The following LPP variants were observed in gnomAD, a reference collection of about 807,000 sequenced individuals.
LPP encodes the protein lipoma-preferred partner.
In LPP, 38 loss-of-function variants were observed where a neutral mutation model predicts 60.4. The ratio of observed to expected loss-of-function variants is 0.63; its 90% confidence interval spans 0.49 to 0.83. The LOEUF (loss-of-function observed/expected upper bound fraction) is 0.83. Among genes scored for constraint, LPP ranks in the 40% least tolerant of loss-of-function variants. LPP has a pLI of 0.00. For synonymous variants in LPP, 328 were observed against 290.8 expected (o/e 1.13, Z -1.30); for missense variants, 902 against 783.6 (o/e 1.15, Z -1.80).
chr3:188,796,285 G>A (rs1298913914), intron 9 of LPP, among the ~76,000 whole-genome samples: 1 of 152,178 alleles, frequency 6.6e-6, no homozygotes, highest in Non-Finnish European at 1.5e-5. Context: ...ACTGAAAGAA[G>A]GCCAGTGTGG....
chr3:188,301,281 A>G (rs994392361), intron 2 of LPP, among the ~76,000 whole-genome samples: 6 of 152,234 alleles, frequency 3.9e-5, no homozygotes, highest in African/African-American at 1.4e-4. Context: ...ATGAAAACTT[A>G]TGAATTTCTT....
At chr3:188,573,356 G>C (rs556301218) in intron 6 of LPP, among the ~76,000 whole-genome samples, 6 of 152,110 alleles carry the variant, frequency 3.9e-5, no homozygotes, top group African/African-American at 1.4e-4. Flanking sequence ...TGAAAAATAA[G>C]AGATGAGGTT....
At chr3:188,274,500 G>A (rs1026651816) in intron 2 of LPP, among the ~76,000 whole-genome samples, 5 of 152,136 alleles carry the variant, frequency 3.3e-5, no homozygotes, top group Non-Finnish European at 5.9e-5. Flanking sequence ...TGGATTTCTC[G>A]TTCTGACCAC....
At chr3:188,460,926 A>G (rs1178754513) in intron 4 of LPP, among the ~76,000 whole-genome samples, 1 of 152,184 alleles carries the variant, frequency 6.6e-6, no homozygotes, top group Non-Finnish European at 1.5e-5. Flanking sequence ...TCTCATCTGG[A>G]GAAGACCAGC....
chr3:188,168,867 A>C (rs2148781093), intron 1 of LPP, among the ~76,000 whole-genome samples: 1 of 152,374 alleles, frequency 6.6e-6, no homozygotes, highest in East Asian at 1.9e-4. Flanking sequence ...AGTTGGTAAC[A>C]ACCACTGAGT....
chr3:188,359,656 CCT>C (rs1768689068), intron 3 of LPP, among the ~76,000 whole-genome samples: 1 of 152,136 alleles, frequency 6.6e-6, no homozygotes, highest in African/African-American at 2.4e-5. Context: ...TTAATCTCTT[CCT>C]CTATACGTGA....
intron 7 of LPP, among the ~76,000 whole-genome samples, chr3:188,682,206 T>C (rs1389306252): frequency 1.3e-5 from 2 of 152,228 alleles, no homozygotes; most frequent in Non-Finnish European, 2.9e-5. Flanking sequence ...CTTTTTGTCT[T>C]CTGGGAATTT....
At chr3:188,373,979 A>T (rs1373143986) in intron 3 of LPP, among the ~76,000 whole-genome samples, 1 of 151,998 alleles carries the variant, frequency 6.6e-6, no homozygotes, top group Non-Finnish European at 1.5e-5. Context: ...TTTCCCCATT[A>T]TTTGTTTTTG....
At chr3:188,400,215 G>A (rs1187056829) in intron 3 of LPP, among the ~76,000 whole-genome samples, 1 of 152,192 alleles carries the variant, frequency 6.6e-6, no homozygotes, top group Non-Finnish European at 1.5e-5. Flanking sequence ...GTTAAGTGCT[G>A]ATTTCCTTTG....
In LPP at chr3:188,881,551, A is replaced by T; in HGVS notation, c.*7072A>T. 4.6e-6 allele frequency: 1 copy of T among 216,702 alleles called. No homozygotes were observed. Among genetic ancestry groups the T allele is most frequent in the Non-Finnish European group, 9.3e-6 (1 of 107,550 alleles). The allele number at this position is 216,702 out of a possible 1,614,324, so 13.4% of individuals were successfully genotyped here. A position where few individuals can be genotyped will look rare whatever the true frequency, so the allele number is the denominator to read the frequency against. On this transcript the variant is annotated 3_prime_UTR_variant, in exon 12 of 12. Coordinates refer to ENST00000617246, the MANE Select transcript of LPP (RefSeq NM_001375462.1). Reference sequence around the variant, plus strand: ...TCACCCAAAGAGAATTTCCCCAAAAAACCTCAGACCCAGAAGTGTAAAAGC... The same window carrying T: ...TCACCCAAAGAGAATTTCCCCAAAATACCTCAGACCCAGAAGTGTAAAAGC...
chr3:188,734,175 A>G (rs972430979), intron 8 of LPP, among the ~76,000 whole-genome samples: 1 of 152,172 alleles, frequency 6.6e-6, no homozygotes, highest in Non-Finnish European at 1.5e-5. Context: ...AATTGATGAA[A>G]TGCCTCTCCT....
intron 2 of LPP, among the ~76,000 whole-genome samples, chr3:188,231,562 C>T (rs1719966521): frequency 6.6e-6 from 1 of 152,058 alleles, no homozygotes; most frequent in African/African-American, 2.4e-5. Context: ...GTAGAAATGT[C>T]GAAAGGTTCT....
At chr3:188,698,674 A>T (rs1205931414) in intron 7 of LPP, among the ~76,000 whole-genome samples, 1 of 152,178 alleles carries the variant, frequency 6.6e-6, no homozygotes, top group East Asian at 1.9e-4. Flanking sequence ...GCAGGATAAC[A>T]TCAGTGGTTG....
chr3:188,425,307 A>G lies in LPP; in HGVS notation c.193+18994A>G, dbSNP rs62289581. Among the ~76,000 whole-genome samples the G allele has an allele frequency of 6.5e-3, 996 of 152,150 alleles. 5 individuals carry two copies. The highest frequency in any genetic ancestry group is 0.011 in the Non-Finnish European group (760 of 67,940). ...CCAGGGATGAAGCTGACTTTTTCATAGTGGATAAGCTTTTTGATGTGCTGC... is the reference window on the plus strand; with the variant it reads ...CCAGGGATGAAGCTGACTTTTTCATGGTGGATAAGCTTTTTGATGTGCTGC... On this transcript the variant is annotated intron_variant, in intron 4 of 11. Transcript: ENST00000617246.
chr3:188,779,050 A>C (rs1187278257), intron 9 of LPP, among the ~76,000 whole-genome samples: 1 of 152,158 alleles, frequency 6.6e-6, no homozygotes, highest in East Asian at 1.9e-4. Flanking sequence ...TTTGAATTTA[A>C]ACTAGTCAAT....
intron 6 of LPP, among the ~76,000 whole-genome samples, chr3:188,539,169 C>T (rs1824453585): frequency 6.6e-6 from 1 of 152,136 alleles, no homozygotes; most frequent in African/African-American, 2.4e-5. Context: ...TGAATCATGT[C>T]TTAACTAAAA....
intron 1 of LPP, among the ~76,000 whole-genome samples, chr3:188,202,935 C>T (rs555926597): frequency 2.0e-5 from 3 of 151,756 alleles, no homozygotes; most frequent in East Asian, 1.9e-4. Flanking sequence ...TCCAGTGTCA[C>T]GTGGGGAGCT....
chr3:188,746,720 A>T (rs539092504), intron 8 of LPP: 1 of 315,092 alleles, frequency 3.2e-6, no homozygotes, highest in South Asian at 3.1e-5. Flanking sequence ...GACTTATCTC[A>T]CTAGTTATTA....
At chr3:188,296,985 C>G (rs530308117) in intron 2 of LPP, among the ~76,000 whole-genome samples, 2 of 152,326 alleles carry the variant, frequency 1.3e-5, no homozygotes, top group South Asian at 4.1e-4. Flanking sequence ...AGGAGACGTT[C>G]TGCAGTGCCA....
Sources: allele counts gnomAD v4.1 joint callset (sites outside exome capture counted in the v4.1 genomes callset), GRCh38; gene constraint gnomAD v4.1.1; transcripts MANE v1.5; gene names NCBI Gene and HGNC (gene_info 2026-07-23, HGNC 2026-07-21).